ZMAT4: variants seen among roughly 807,000 people sequenced by gnomAD.
ZMAT4 encodes zinc finger matrin-type 4, also known as zinc finger matrin-type protein 4.
A neutral mutation model predicts 28.7 loss-of-function variants in ZMAT4; 17 were observed. The observed-to-expected ratio is 0.59, with a 90% CI of 0.41 to 0.89. The LOEUF (loss-of-function observed/expected upper bound fraction) is 0.89, where lower values mean the gene tolerates loss of function less well. Among genes scored for constraint, ZMAT4 ranks in the 40% least tolerant of loss-of-function variants. The pLI is 0.00. For synonymous variants in ZMAT4, 117 were observed against 109.2 expected (o/e 1.07, Z -0.44); for missense variants, 240 against 283.8 (o/e 0.85, Z 1.11).
intron 5 of ZMAT4, among the ~76,000 whole-genome samples, chr8:40,673,899 C>T (rs1207987319): frequency 1.3e-5 from 2 of 152,000 alleles, no homozygotes; most frequent in Non-Finnish European, 2.9e-5. Context: ...GCGGAGGAGA[C>T]AGGTGTTGAC....
chr8:40,806,611 G>T (rs1460506352), intron 2 of ZMAT4, among the ~76,000 whole-genome samples: 1 of 152,056 alleles, frequency 6.6e-6, no homozygotes, highest in Non-Finnish European at 1.5e-5. Flanking sequence ...ACATTTCATT[G>T]AATAGAGAAT....
intron 6 of ZMAT4, among the ~76,000 whole-genome samples, chr8:40,559,120 C>T (rs1254950388): frequency 6.6e-6 from 1 of 152,184 alleles, no homozygotes; most frequent in East Asian, 1.9e-4. Context: ...TCGCCCACCA[C>T]CAGACACTGA....
rs1364385144 is a variant in ZMAT4 at position 40,531,859 on chromosome 8, G to A, written c.*364C>T. 1.1e-5 allele frequency: 2 copies of A among 177,426 alleles called. No individual in the cohort carries two copies. The highest frequency in any genetic ancestry group is 2.4e-5 in the Non-Finnish European group (2 of 84,932). The allele number at this position is 177,426 out of a possible 1,614,324, so 11.0% of individuals were successfully genotyped here. ...CATCACACTCATTGAGGATTTAACA[G>A]AATAATTATGCTCTGAGGAAATCTA... On this transcript the variant is annotated 3_prime_UTR_variant, in exon 7 of 7. Coordinates refer to ENST00000297737, the MANE Select transcript of ZMAT4 (RefSeq NM_024645.3).
chr8:40,627,895 A>T (rs1806432551), intron 5 of ZMAT4, among the ~76,000 whole-genome samples: 2 of 152,150 alleles, frequency 1.3e-5, no homozygotes, highest in South Asian at 4.1e-4. Context: ...AGCCTGAGGG[A>T]TTTAAGGCTT....
chr8:40,695,948 G>T (rs1402954413), intron 4 of ZMAT4, among the ~76,000 whole-genome samples: 1 of 152,032 alleles, frequency 6.6e-6, no homozygotes, highest in African/African-American at 2.4e-5. Flanking sequence ...ATTAATTCAT[G>T]GAAAACAGGT....
intron 5 of ZMAT4, among the ~76,000 whole-genome samples, chr8:40,661,602 A>G (rs1393670017): frequency 6.6e-6 from 1 of 152,238 alleles, no homozygotes; most frequent in African/African-American, 2.4e-5. Context: ...CTATGGAGTT[A>G]AAGTTATAAT....
intron 1 of ZMAT4, among the ~76,000 whole-genome samples, chr8:40,872,443 C>T (rs981662638): frequency 5.9e-5 from 9 of 152,192 alleles, no homozygotes; most frequent in African/African-American, 2.2e-4. Flanking sequence ...GTACCCCCCC[C>T]AACCCTGGAG....
chr8:40,861,576 C>T (rs915333540), intron 1 of ZMAT4, among the ~76,000 whole-genome samples: 7 of 151,938 alleles, frequency 4.6e-5, no homozygotes, highest in African/African-American at 1.7e-4. Flanking sequence ...TGACAAATGG[C>T]ATCCAATTAA....
At chr8:40,538,844 G>A (rs190299644) in intron 6 of ZMAT4, among the ~76,000 whole-genome samples, 1 of 152,098 alleles carries the variant, frequency 6.6e-6, no homozygotes, top group African/African-American at 2.4e-5. Context: ...GTGGTGCAGT[G>A]GCACCATCTC....
chr8:40,778,450 T>C (rs1813694416), intron 2 of ZMAT4, among the ~76,000 whole-genome samples: 1 of 152,206 alleles, frequency 6.6e-6, no homozygotes, highest in African/African-American at 2.4e-5. Flanking sequence ...CACAGAAAAT[T>C]ACTCAGTGGA....
intron 5 of ZMAT4, among the ~76,000 whole-genome samples, chr8:40,669,580 T>C (rs1808585763): frequency 6.6e-6 from 1 of 152,156 alleles, no homozygotes; most frequent in African/African-American, 2.4e-5. Flanking sequence ...TAACATATAG[T>C]AAATATATTT....
intron 6 of ZMAT4, among the ~76,000 whole-genome samples, chr8:40,554,964 C>T (rs1201089822): frequency 6.6e-6 from 1 of 152,098 alleles, no homozygotes; most frequent in African/African-American, 2.4e-5. Flanking sequence ...CACCTCCTCA[C>T]CTATACCCAC....
At chr8:40,594,327 A>G (rs1202263446) in intron 5 of ZMAT4, among the ~76,000 whole-genome samples, 2 of 152,234 alleles carry the variant, frequency 1.3e-5, no homozygotes, top group Non-Finnish European at 2.9e-5. Flanking sequence ...GATAAGAGAA[A>G]GTGTTGATAT....
chr8:40,604,123 A>C (rs1805497441), intron 5 of ZMAT4, among the ~76,000 whole-genome samples: 2 of 152,056 alleles, frequency 1.3e-5, no homozygotes, highest in Non-Finnish European at 2.9e-5. Flanking sequence ...CTTTTGGATG[A>C]GTCTTTAGGG....
chr8:40,567,253 A>AT (rs1242773094), intron 6 of ZMAT4, among the ~76,000 whole-genome samples: 1 of 152,098 alleles, frequency 6.6e-6, no homozygotes, highest in Non-Finnish European at 1.5e-5. Context: ...ATGGACTGAG[A>AT]TTTTTCTGTT....
intron 3 of ZMAT4, among the ~76,000 whole-genome samples, chr8:40,760,664 C>T (rs896460957): frequency 2.0e-5 from 3 of 152,020 alleles, no homozygotes; most frequent in South Asian, 4.1e-4. Context: ...GTCGAGGCAA[C>T]ATTCTGACCG....
intron 1 of ZMAT4, among the ~76,000 whole-genome samples, chr8:40,888,000 A>G (rs1378370696): frequency 1.3e-5 from 2 of 151,986 alleles, no homozygotes; most frequent in East Asian, 1.9e-4. Context: ...TCATCCTTCA[A>G]TGCTCAGGGC....
chr8:40,579,781 T>C (rs1166203300), intron 6 of ZMAT4, among the ~76,000 whole-genome samples: 3 of 152,136 alleles, frequency 2.0e-5, no homozygotes, highest in Non-Finnish European at 4.4e-5. Flanking sequence ...CAATAACATA[T>C]CTGATGCTGT....
At chr8:40,868,078 A>C (rs372473995) in intron 1 of ZMAT4, among the ~76,000 whole-genome samples, 5 of 152,328 alleles carry the variant, frequency 3.3e-5, no homozygotes, top group Admixed American at 2.6e-4. Flanking sequence ...TAACAAATAC[A>C]TTATGGACAT....
Sources: allele counts gnomAD v4.1 joint callset (sites outside exome capture counted in the v4.1 genomes callset), GRCh38; gene constraint gnomAD v4.1.1; transcripts MANE v1.5; gene names NCBI Gene and HGNC (gene_info 2026-07-23, HGNC 2026-07-21).